STXBP6: variants seen among roughly 807,000 people sequenced by gnomAD.
STXBP6 encodes the protein syntaxin binding protein 6, also known as syntaxin-binding protein 6.
Under a neutral mutation model 26.9 loss-of-function variants are expected in STXBP6, and 21 were observed. The ratio of observed to expected loss-of-function variants is 0.78; its 90% CI spans 0.55 to 1.12. The LOEUF (loss-of-function observed/expected upper bound fraction) is 1.12, where lower values mean the gene tolerates loss of function less well. Among genes scored for constraint, STXBP6 ranks in the 50% most tolerant of loss-of-function variants. STXBP6 has a pLI of 0.00. For synonymous variants in STXBP6, 97 were observed against 92.6 expected, an observed-to-expected ratio of 1.05 and a Z score of -0.27; for missense variants, 232 against 257.9, an observed-to-expected ratio of 0.90 and a Z score of 0.69.
chr14:24,973,179 C>G (rs1284577542), intron 2 of STXBP6, among the ~76,000 whole-genome samples: 2 of 152,126 alleles, frequency 1.3e-5, no homozygotes, highest in Non-Finnish European at 2.9e-5. Flanking sequence ...TTAGGTGAGG[C>G]TACTTCTTTC....
At chr14:24,818,325 C>G (rs563600975) in intron 5 of STXBP6, among the ~76,000 whole-genome samples, 2 of 152,278 alleles carry the variant, frequency 1.3e-5, no homozygotes, top group African/African-American at 4.8e-5. Context: ...AGCTGGCTGC[C>G]AATAAAAACT....
intron 2 of STXBP6, among the ~76,000 whole-genome samples, chr14:24,925,703 A>C (rs1227279452): frequency 2.0e-5 from 3 of 152,206 alleles, no homozygotes; most frequent in Admixed American, 2.0e-4. Flanking sequence ...AGGCCAACCA[A>C]AACAGTAATT....
chr14:25,029,454 A>C (rs753579421), intron 1 of STXBP6, among the ~76,000 whole-genome samples: 14 of 152,190 alleles, frequency 9.2e-5, no homozygotes, highest in Non-Finnish European at 2.1e-4. Flanking sequence ...TTTTTCAGAC[A>C]TAATGCTACT....
chr14:25,042,152 C>T (rs1031027553), intron 1 of STXBP6, among the ~76,000 whole-genome samples: 4 of 152,146 alleles, frequency 2.6e-5, no homozygotes, highest in African/African-American at 7.2e-5. Context: ...TGATGATAAA[C>T]GAAACAGAAA....
intron 2 of STXBP6, among the ~76,000 whole-genome samples, chr14:24,900,832 CTG>C (rs1217812257): frequency 1.3e-5 from 2 of 152,222 alleles, no homozygotes; most frequent in Non-Finnish European, 2.9e-5. Flanking sequence ...AATACAGTGT[CTG>C]TCTTTTCTAA....
intron 2 of STXBP6, among the ~76,000 whole-genome samples, chr14:24,915,743 G>A (rs2071743640): frequency 1.3e-5 from 2 of 152,030 alleles, no homozygotes; most frequent in African/African-American, 4.8e-5. Context: ...AGGTGAAGGT[G>A]AAACAAATGA....
At chr14:25,015,097 A>T (rs1475536866) in intron 1 of STXBP6, among the ~76,000 whole-genome samples, 1 of 152,262 alleles carries the variant, frequency 6.6e-6, no homozygotes, top group Non-Finnish European at 1.5e-5. Flanking sequence ...GAAAATACTG[A>T]AAACTATCAT....
At chr14:24,884,963 C>G (rs2070518315) in intron 2 of STXBP6, among the ~76,000 whole-genome samples, 1 of 152,138 alleles carries the variant, frequency 6.6e-6, no homozygotes, top group South Asian at 2.1e-4. Context: ...ACAGTTTTGT[C>G]AGGAAACACA....
chr14:24,839,339 G>C (rs939856330), intron 4 of STXBP6, among the ~76,000 whole-genome samples: 1 of 151,436 alleles, frequency 6.6e-6, no homozygotes, highest in Non-Finnish European at 1.5e-5. Flanking sequence ...CAACTGGTTG[G>C]TACCAGCACA....
At chr14:25,013,064 C>G (rs2075066588) in intron 1 of STXBP6, among the ~76,000 whole-genome samples, 1 of 152,150 alleles carries the variant, frequency 6.6e-6, no homozygotes, top group East Asian at 1.9e-4. Context: ...GGCACTCCAG[C>G]CTACATGACA....
chr14:24,870,095 C>A (rs966054275), intron 2 of STXBP6, among the ~76,000 whole-genome samples: 1 of 152,120 alleles, frequency 6.6e-6, no homozygotes, highest in Non-Finnish European at 1.5e-5. Flanking sequence ...AAGGTTCATG[C>A]ATACCAGTAA....
At chr14:24,903,215 G>C (rs1044804960) in intron 2 of STXBP6, among the ~76,000 whole-genome samples, 20 of 151,044 alleles carry the variant, frequency 1.3e-4, no homozygotes, top group Non-Finnish European at 3.0e-4. Context: ...GTTTGCTTTT[G>C]ATTTGATTAT....
At chr14:24,991,684 A>G (rs1035279848) in intron 1 of STXBP6, among the ~76,000 whole-genome samples, 2 of 152,238 alleles carry the variant, frequency 1.3e-5, no homozygotes, top group African/African-American at 4.8e-5. Context: ...GATTCCCACA[A>G]ATTCAAACCA....
chr14:24,955,846 C>T (rs1378059177), intron 2 of STXBP6, among the ~76,000 whole-genome samples: 2 of 152,134 alleles, frequency 1.3e-5, no homozygotes, highest in Admixed American at 1.3e-4. Flanking sequence ...ATAAGTAAGC[C>T]AGGTGCTTCA....
At chr14:25,023,996 C>T (rs1175927736) in intron 1 of STXBP6, among the ~76,000 whole-genome samples, 7 of 152,000 alleles carry the variant, frequency 4.6e-5, no homozygotes, top group Non-Finnish European at 1.0e-4. Context: ...ACCACAAAAC[C>T]ATAACAAACA....
In STXBP6 at chr14:24,974,722, T is replaced by C. The variant is rs1776806303; in HGVS notation, c.97A>G (p.Ile33Val). The change falls in exon 2 of 6, where the codon ATT becomes GTT. Residue 33 changes from isoleucine to valine, a missense_variant. Transcript: ENST00000323944. ...VQVKRRTKKK[I>V]PFLATGGQGE... is the part of the protein sequence containing the mutation. ...TGACCTCCAGTTGCCAAGAAAGGAA[T>C]CTTTTTCTTTGTCCTCCTCTTGACT... is the stretch of plus-strand genomic sequence containing the variant. 2.5e-6 allele frequency: 4 copies of C among 1,582,064 alleles called. No individual in the cohort carries two copies. Among genetic ancestry groups the C allele is most frequent in the Non-Finnish European group, 3.4e-6 (4 of 1,160,964 alleles).
At chr14:24,907,906 C>A (rs1422591891) in intron 2 of STXBP6, among the ~76,000 whole-genome samples, 1 of 151,936 alleles carries the variant, frequency 6.6e-6, no homozygotes. Flanking sequence ...CACTTTCTTC[C>A]TGGGTCATCT....
chr14:25,007,775 G>T (rs549733324), intron 1 of STXBP6, among the ~76,000 whole-genome samples: 1 of 152,290 alleles, frequency 6.6e-6, no homozygotes, highest in Admixed American at 6.5e-5. Context: ...AATTATTCCT[G>T]CAAAGTTCCA....
At chr14:24,969,591 G>A (rs2073840828) in intron 2 of STXBP6, among the ~76,000 whole-genome samples, 1 of 152,196 alleles carries the variant, frequency 6.6e-6, no homozygotes, top group African/African-American at 2.4e-5. Flanking sequence ...AATCAGGTAT[G>A]TAGTAAACAA....
Sources: allele counts gnomAD v4.1 joint callset (sites outside exome capture counted in the v4.1 genomes callset), GRCh38; gene constraint gnomAD v4.1.1; transcripts MANE v1.5; gene names NCBI Gene and HGNC (gene_info 2026-07-23, HGNC 2026-07-21).